Variants in C12orf42 observed in about 807,000 individuals in gnomAD.
C12orf42 encodes uncharacterized protein C12orf42.
C12orf42 carries 25 observed loss-of-function variants against 21.6 expected under a neutral mutation model. That is an observed-to-expected ratio of 1.16 (90% CI 0.84 to 1.62). C12orf42 has a LOEUF of 1.62. Among genes scored for constraint, C12orf42 ranks in the 40% most tolerant of loss-of-function variants. The pLI, the probability that C12orf42 is intolerant of heterozygous loss-of-function variation, is 0.00. For missense variants in C12orf42, 483 were observed against 459.3 expected, an observed-to-expected ratio of 1.05 and a Z score of -0.47; for synonymous variants, 174 against 175.0, an observed-to-expected ratio of 0.99 and a Z score of 0.05.
chr12:103,420,721 A>G (rs1032154358), intron 2 of C12orf42, among the ~76,000 whole-genome samples: 11 of 152,012 alleles, frequency 7.2e-5, no homozygotes, highest in Non-Finnish European at 1.2e-4. Flanking sequence ...GGGTTTCACT[A>G]TGTTGGCCAG....
chr12:103,348,192 A>G lies in C12orf42; in HGVS notation c.259+20695T>C, dbSNP rs180773774. Among the ~76,000 whole-genome samples the G allele has an allele frequency of 2.4e-3, 359 of 152,306 alleles. 3 individuals carry two copies. The highest frequency in any genetic ancestry group is 4.1e-3 in the Admixed American group (62 of 15,278). On this transcript the variant is annotated intron_variant, in intron 4 of 5. Coordinates refer to ENST00000548883, the MANE Select transcript of C12orf42 (RefSeq NM_198521.5). ...CCATGCTGGAATGTATAAGAAAGAG[A>G]TAAGAATGACAGTTGTACAGTCTAT...
chr12:103,110,096 G>A, the C12orf42 span, among the ~76,000 whole-genome samples: 2 of 152,172 alleles, frequency 1.3e-5, no homozygotes, highest in Admixed American at 1.3e-4. Context: ...TCAGTGTCAA[G>A]GTTTGCATGG....
At chr12:103,228,086 C>G in the C12orf42 span, among the ~76,000 whole-genome samples, 1 of 152,134 alleles carries the variant, frequency 6.6e-6, no homozygotes, top group Non-Finnish European at 1.5e-5. Flanking sequence ...GTCCCCTGAT[C>G]AGAGTCACGG....
the C12orf42 span, among the ~76,000 whole-genome samples, chr12:103,089,619 C>G: frequency 6.9e-6 from 1 of 145,586 alleles, no homozygotes. Context: ...GTGTGTGTGT[C>G]TGTGTGTGTG....
chr12:103,056,437 T>C, the C12orf42 span, among the ~76,000 whole-genome samples: 1 of 151,562 alleles, frequency 6.6e-6, no homozygotes, highest in Non-Finnish European at 1.5e-5. Flanking sequence ...GTAGATTTCT[T>C]AAGATTTATC....
At chr12:103,190,190 C>A in the C12orf42 span, among the ~76,000 whole-genome samples, 1 of 152,170 alleles carries the variant, frequency 6.6e-6, no homozygotes, top group African/African-American at 2.4e-5. Flanking sequence ...AGCCTCTGGG[C>A]AACCCCTGGA....
the C12orf42 span, among the ~76,000 whole-genome samples, chr12:103,532,311 C>T: frequency 1.3e-5 from 2 of 152,072 alleles, no homozygotes; most frequent in Non-Finnish European, 2.9e-5. Context: ...GATGGGAAAA[C>T]GTTTATAACA....
the C12orf42 span, among the ~76,000 whole-genome samples, chr12:103,554,977 G>C: frequency 6.6e-6 from 1 of 152,154 alleles, no homozygotes; most frequent in Non-Finnish European, 1.5e-5. Context: ...GGAAAGGACG[G>C]TAGGCAAAAC....
chr12:103,147,503 C>CT, the C12orf42 span, among the ~76,000 whole-genome samples: 195 of 99,972 alleles, frequency 2.0e-3, no homozygotes, highest in East Asian at 3.3e-3. Context: ...CTTTTTTTTT[C>CT]TTTTTTTTTT....
chr12:103,296,242 T>C (rs1593316733), intron 4 of C12orf42, among the ~76,000 whole-genome samples: 1 of 152,020 alleles, frequency 6.6e-6, no homozygotes, highest in African/African-American at 2.4e-5. Context: ...ATGTGCCACA[T>C]TTTCTTAATT....
At chr12:103,317,012 C>T (rs1242328342) in intron 4 of C12orf42, among the ~76,000 whole-genome samples, 1 of 152,152 alleles carries the variant, frequency 6.6e-6, no homozygotes, top group Admixed American at 6.5e-5. Context: ...CATTCCAGCT[C>T]TAGTCACCAC....
chr12:103,535,639 T>C, the C12orf42 span, among the ~76,000 whole-genome samples: 2 of 152,134 alleles, frequency 1.3e-5, no homozygotes, highest in Non-Finnish European at 2.9e-5. Context: ...AGCTATCTCT[T>C]GGAGAATGGA....
At chr12:103,481,491 G>A (rs1032995292) in intron 1 of C12orf42, among the ~76,000 whole-genome samples, 5 of 151,906 alleles carry the variant, frequency 3.3e-5, no homozygotes, top group Non-Finnish European at 5.9e-5. Flanking sequence ...GACAGAAGTC[G>A]AATGCTGAAG....
chr12:103,442,689 C>T (rs2888733), intron 2 of C12orf42, among the ~76,000 whole-genome samples: 90,362 of 151,972 alleles, frequency 0.59, 28,643 homozygotes, highest in Admixed American at 0.71. Context: ...GATAATAAAA[C>T]TCTTAAATTA....
At chr12:103,478,475 G>T in intron 1 of C12orf42, 28 bp from the exon 2 acceptor site, 2 of 1,196,584 alleles carry the variant, frequency 1.7e-6, no homozygotes, top group Non-Finnish European at 2.4e-6. Context: ...AGAAAGAAGA[G>T]CAGGTTTACA....
the C12orf42 span, among the ~76,000 whole-genome samples, chr12:103,193,502 G>A: frequency 6.6e-6 from 1 of 151,668 alleles, no homozygotes; most frequent in Non-Finnish European, 1.5e-5. Context: ...AATGAAATAT[G>A]AAATTAAAAA....
the C12orf42 span, among the ~76,000 whole-genome samples, chr12:103,153,647 A>C: frequency 1.3e-5 from 2 of 152,160 alleles, no homozygotes; most frequent in Non-Finnish European, 2.9e-5. Context: ...ACCAAAATAA[A>C]AAAGACAGAC....
chr12:103,528,057 CT>C, the C12orf42 span, among the ~76,000 whole-genome samples: 1 of 152,148 alleles, frequency 6.6e-6, no homozygotes, highest in Non-Finnish European at 1.5e-5. Context: ...AAAATATAGA[CT>C]TTAGTTATAC....
At chr12:103,556,352 C>G in the C12orf42 span, among the ~76,000 whole-genome samples, 2 of 152,222 alleles carry the variant, frequency 1.3e-5, no homozygotes, top group African/African-American at 4.8e-5. Flanking sequence ...CATGGTACAT[C>G]ACTTGACACT....
Sources: gnomAD v4.1 joint callset for allele counts (sites outside exome capture counted in the v4.1 genomes callset) on GRCh38, gnomAD v4.1.1 for gene constraint, MANE v1.5 for transcripts, NCBI Gene and HGNC (gene_info 2026-07-23, HGNC 2026-07-21) for gene names.